The following ARIH1 variants were observed in gnomAD, a reference collection of about 807,000 sequenced individuals.
ARIH1 encodes the protein ariadne RBR E3 ubiquitin protein ligase 1.
A neutral mutation model predicts 85.0 loss-of-function variants in ARIH1; 8 were observed. The observed-to-expected ratio is 0.09, with a 90% CI of 0.06 to 0.17. The LOEUF (loss-of-function observed/expected upper bound fraction) is 0.17, where lower values mean the gene tolerates loss of function less well. Among genes scored for constraint, ARIH1 ranks in the 10% least tolerant of loss-of-function variants. The probability of loss-of-function intolerance (pLI) is 1.00; values close to 1 mark genes in which losing one functional copy is unlikely to be tolerated. For synonymous variants in ARIH1, 238 were observed against 253.6 expected (o/e 0.94, Z 0.59); for missense variants, 311 against 718.1 (o/e 0.43, Z 6.48).
intron 11 of ARIH1, among the ~76,000 whole-genome samples, chr15:72,576,730 C>T (rs746608147): frequency 2.0e-5 from 3 of 151,716 alleles, no homozygotes; most frequent in Non-Finnish European, 2.9e-5. Flanking sequence ...GCTTTGATAA[C>T]AATATACTTT....
At chr15:72,575,754 G>A (rs1227628278) in intron 11 of ARIH1, among the ~76,000 whole-genome samples, 2 of 152,066 alleles carry the variant, frequency 1.3e-5, no homozygotes, top group Non-Finnish European at 1.5e-5. Context: ...GTACTTTAGG[G>A]GAAGATAAAA....
At chr15:72,519,992 G>GA (rs1215505426) in intron 2 of ARIH1, among the ~76,000 whole-genome samples, 1 of 152,080 alleles carries the variant, frequency 6.6e-6, no homozygotes, top group Non-Finnish European at 1.5e-5. Flanking sequence ...TAACACTGCT[G>GA]AAAATATTTT....
At chr15:72,542,349 T>C (rs892141618) in intron 2 of ARIH1, among the ~76,000 whole-genome samples, 1 of 152,128 alleles carries the variant, frequency 6.6e-6, no homozygotes, top group Admixed American at 6.5e-5. Context: ...AAGCAACCCA[T>C]GAAACAAAGA....
At position 72,566,743 on chromosome 15, in the gene ARIH1, A is replaced by G. The variant is rs921808810; in HGVS notation, c.954+138A>G. On this transcript the variant is annotated intron_variant, in intron 8 of 13. Transcript: ENST00000379887. ...CCTTTTAATTTCAGATGATCATTAC[A>G]TGTATTCAGAGGTAATTCCTTAGGA... is the stretch of plus-strand genomic sequence containing the variant. 1.6e-5 allele frequency: 12 copies of G among 753,416 alleles called. No homozygotes were observed. In the African/African-American group the frequency reaches 1.9e-4, roughly 12 times the overall value. The allele number at this position is 753,416 out of a possible 1,614,324, so 46.7% of individuals were successfully genotyped here. A position where few individuals can be genotyped will look rare whatever the true frequency, so the allele number is the denominator to read the frequency against.
At chr15:72,489,611 C>G (rs2063851133) in intron 1 of ARIH1, among the ~76,000 whole-genome samples, 2 of 152,144 alleles carry the variant, frequency 1.3e-5, no homozygotes, top group Admixed American at 1.3e-4. Context: ...GGGAGGTATG[C>G]CTAAAGCACT....
chr15:72,531,255 T>TTTTATTTATTTATTTATTTA (rs369243037), intron 2 of ARIH1, among the ~76,000 whole-genome samples: 7 of 151,714 alleles, frequency 4.6e-5, no homozygotes, highest in African/African-American at 1.5e-4. Flanking sequence ...AAATCCACAT[T>TTTTATTTATTTATTTATTTA]TTTATTTATT....
rs942053959 is a variant in ARIH1 at position 72,572,132 on chromosome 15, G to A, written c.1182G>A (p.Glu394=). 3 of 1,610,080 alleles carry A rather than the reference G, an allele frequency of 1.9e-6. No homozygotes were observed. The highest frequency in any genetic ancestry group is 2.5e-6 in the Non-Finnish European group (3 of 1,177,302). ...SAWYNCNRYN[E]DDAKAARDAQ... Reference sequence around the variant, plus strand: ...GGTACAACTGTAACCGCTATAATGAGGATGATGCAAAGGCAGCAAGAGATG... The same window carrying A: ...GGTACAACTGTAACCGCTATAATGAAGATGATGCAAAGGCAGCAAGAGATG... Residue 394 remains glutamate (E), a synonymous_variant, in exon 11 of 14, where the codon GAG becomes GAA. Coordinates refer to ENST00000379887, the MANE Select transcript of ARIH1 (RefSeq NM_005744.5).
chr15:72,572,000 A>G (rs1196717484), intron 10 of ARIH1, 108 bp from the exon 11 acceptor site: 5 of 730,604 alleles, frequency 6.8e-6, no homozygotes, highest in East Asian at 2.5e-5. Context: ...TATAAAAGAT[A>G]ACGTTGGTGT....
Position 72,475,475 on chromosome 15 carries a change from A to G in ARIH1, c.375+461A>G, listed in dbSNP as rs144546087. ...AGTAGGCCTAAGAGCAGCTTGGTGT[A>G]CAGTTGCCCCAAGTGGGCACCAGTT... On this transcript the variant is annotated intron_variant, in intron 1 of 13. Transcript: ENST00000379887. Among the ~76,000 whole-genome samples, 237 of 152,314 alleles carry G rather than the reference A, an allele frequency of 1.6e-3. 1 individual carries two copies. The highest frequency in any genetic ancestry group is 5.6e-3 in the Admixed American group (86 of 15,300).
chr15:72,535,419 G>A (rs1291935092), intron 2 of ARIH1, among the ~76,000 whole-genome samples: 2 of 152,154 alleles, frequency 1.3e-5, no homozygotes, highest in Non-Finnish European at 2.9e-5. Context: ...CAACTAACTA[G>A]CATAATTCCT....
intron 1 of ARIH1, among the ~76,000 whole-genome samples, chr15:72,488,364 A>G (rs1431416977): frequency 3.9e-5 from 6 of 152,228 alleles, no homozygotes; most frequent in Admixed American, 2.6e-4. Context: ...GGCATGAGCC[A>G]CCGTGCCCAG....
chr15:72,565,063 TTTTTG>T (rs756895156), intron 7 of ARIH1, among the ~76,000 whole-genome samples: 1 of 151,812 alleles, frequency 6.6e-6, no homozygotes, highest in East Asian at 1.9e-4. Flanking sequence ...GCAAATAGAT[TTTTTG>T]TTTTGTTTTG....
intron 3 of ARIH1, among the ~76,000 whole-genome samples, chr15:72,554,730 G>A: frequency 6.6e-6 from 1 of 151,956 alleles, no homozygotes; most frequent in East Asian, 1.9e-4. Flanking sequence ...GGGTGAAGTG[G>A]TGTCTTACTG....
In ARIH1 at chr15:72,583,410, A is replaced by G; in HGVS notation, c.*118A>G. ...GCCTATTCTGACACCACTGGTCTGT[A>G]GTACCAGAATTGTTTTGTTAATGGA... On this transcript the variant is annotated 3_prime_UTR_variant, in exon 14 of 14. Transcript: ENST00000379887. 2 of 687,376 alleles carry G rather than the reference A, an allele frequency of 2.9e-6. No individual in the cohort carries two copies. The highest frequency in any genetic ancestry group is 2.5e-6 in the Non-Finnish European group (1 of 406,158). The allele number at this position is 687,376 out of a possible 1,614,324, so 42.6% of individuals were successfully genotyped here.
At chr15:72,501,268 T>G (rs1016335588) in intron 1 of ARIH1, among the ~76,000 whole-genome samples, 2 of 152,244 alleles carry the variant, frequency 1.3e-5, no homozygotes, top group Non-Finnish European at 2.9e-5. Context: ...GAATTTTTCT[T>G]AGAAAACAGT....
rs552678041 is a variant in ARIH1 at position 72,552,244 on chromosome 15, G to C, written c.589-3027G>C. On this transcript the variant is annotated intron_variant, in intron 3 of 13. Coordinates refer to ENST00000379887, the MANE Select transcript of ARIH1 (RefSeq NM_005744.5). ...TAAAATTGTGGTACCTTTCTATAAAGAGGCAAACCCACACCAGTGTGGTAC... is the reference window on the plus strand; with the variant it reads ...TAAAATTGTGGTACCTTTCTATAAACAGGCAAACCCACACCAGTGTGGTAC... 3.9e-5 allele frequency among the ~76,000 whole-genome samples: 6 copies of C among 152,268 alleles called. No homozygotes were observed. In the East Asian group the frequency reaches 1.2e-3, roughly 29 times the overall value.
chr15:72,598,745 C>T lies in ARIH1; in HGVS notation c.*15453C>T, dbSNP rs1180072365. The T allele has an allele frequency of 2.6e-5, 4 of 151,254 alleles. No individual in the cohort carries two copies. Among genetic ancestry groups the T allele is most frequent in the Non-Finnish European group, 4.4e-5 (3 of 67,852 alleles). The allele number at this position is 151,254 out of a possible 1,614,324, so 9.4% of individuals were successfully genotyped here. On this transcript the variant is annotated 3_prime_UTR_variant, in exon 14 of 14. Coordinates refer to ENST00000379887, the MANE Select transcript of ARIH1 (RefSeq NM_005744.5). ...AAAAAAAAAAATTTTTTTTTAAACA[C>T]GTCTCACTGCCACCCAGGCTTGAGT...
intron 1 of ARIH1, among the ~76,000 whole-genome samples, chr15:72,514,468 G>A (rs917505608): frequency 6.6e-6 from 1 of 152,112 alleles, no homozygotes; most frequent in East Asian, 1.9e-4. Context: ...CACTTTGGGA[G>A]GTCAAGGTGG....
At chr15:72,529,493 C>T (rs530543911) in intron 2 of ARIH1, among the ~76,000 whole-genome samples, 1 of 152,330 alleles carries the variant, frequency 6.6e-6, no homozygotes, top group East Asian at 1.9e-4. Context: ...GCCTGAGCCA[C>T]TGCACCCTGC....
Sources: gnomAD v4.1 joint callset for allele counts (sites outside exome capture counted in the v4.1 genomes callset) on GRCh38, gnomAD v4.1.1 for gene constraint, MANE v1.5 for transcripts, NCBI Gene and HGNC (gene_info 2026-07-23, HGNC 2026-07-21) for gene names.